Variants in FSIP2 observed in about 807,000 individuals in gnomAD.
The protein encoded by FSIP2 is fibrous sheath-interacting protein 2.
A neutral mutation model predicts 510.5 loss-of-function variants in FSIP2; 367 were observed. That is an observed-to-expected ratio of 0.72 (90% CI 0.66 to 0.78). The LOEUF (loss-of-function observed/expected upper bound fraction) is 0.78, where lower values mean the gene tolerates loss of function less well. Among genes scored for constraint, FSIP2 ranks in the 30% least tolerant of loss-of-function variants. The pLI, the probability that FSIP2 is intolerant of heterozygous loss-of-function variation, is 0.00. For missense variants in FSIP2, 7,594 were observed against 7,901.7 expected, an observed-to-expected ratio of 0.96 and a Z score of 1.48; for synonymous variants, 2,601 against 2,732.2, an observed-to-expected ratio of 0.95 and a Z score of 1.50.
chr2:185,805,361 C>T lies in FSIP2; in HGVS notation c.16055C>T (p.Ser5352Phe). The T allele has an allele frequency of 6.3e-7, 1 of 1,596,850 alleles. No individual in the cohort carries two copies. The highest frequency in any genetic ancestry group is 8.5e-7 in the Non-Finnish European group (1 of 1,173,732). The change falls in exon 17 of 23, where the codon TCC becomes TTC. Residue 5352 changes from serine (S) to phenylalanine (F), a missense_variant. By Grantham distance (155) the Ser-to-Phe change is radical (BLOSUM62 -2). Transcript: ENST00000424728. ...PIDKETVDKI[S>F]NFVYEQFIEK... is the part of the protein sequence containing the mutation. ...GATAAAGAGACAGTTGATAAAATAT[C>T]CAATTTTGTATATGAACAGTTCATA...
intron 21 of FSIP2, 107 bp downstream of exon 21, chr2:185,828,306 C>A: frequency 1.5e-6 from 1 of 676,804 alleles, no homozygotes; most frequent in Non-Finnish European, 2.6e-6. Flanking sequence ...TGAAGGATAT[C>A]AGAAAGCATT....
Position 185,797,187 on chromosome 2 carries a change from G to A in FSIP2, c.10051G>A (p.Glu3351Lys), listed in dbSNP as rs1157836018. Residue 3351 changes from glutamate to lysine, a missense_variant, in exon 16 of 23, where the codon GAG becomes AAG. Coordinates refer to ENST00000424728, the MANE Select transcript of FSIP2 (RefSeq NM_173651.4). ...CGFPSQPHTN[E>K]NREIMKPFFI... Reference sequence around the variant, plus strand: ...CTTTCCAAGTCAACCACACACTAATGAGAACAGGGAAATAATGAAACCATT... The same window carrying A: ...CTTTCCAAGTCAACCACACACTAATAAGAACAGGGAAATAATGAAACCATT... The A allele has an allele frequency of 1.3e-6, 2 of 1,534,980 alleles. No individual in the cohort carries two copies. The highest frequency in any genetic ancestry group is 2.4e-5 in the South Asian group (2 of 84,038).
intron 17 of FSIP2, among the ~76,000 whole-genome samples, chr2:185,809,792 C>T (rs1239248024): frequency 1.3e-5 from 2 of 151,866 alleles, no homozygotes; most frequent in Non-Finnish European, 2.9e-5. Context: ...TTTTATGAGC[C>T]TCTTCCCTAT....
upstream of FSIP2, chr2:185,738,792 T>C: frequency 6.5e-7 from 1 of 1,535,708 alleles, no homozygotes; most frequent in Non-Finnish European, 8.7e-7. Flanking sequence ...CTGAGGTCGT[T>C]GGGCTCTGGC....
chr2:185,766,840 A>G (rs1434149853), intron 13 of FSIP2, among the ~76,000 whole-genome samples: 2 of 131,920 alleles, frequency 1.5e-5, no homozygotes, highest in Non-Finnish European at 3.2e-5. Context: ...AGGACTATAA[A>G]TCATGCTGCT....
chr2:185,804,471 G>C lies in FSIP2; in HGVS notation c.15165G>C (p.Arg5055Ser). 6.6e-7 allele frequency: 1 copy of C among 1,515,930 alleles called. No homozygotes were observed. Among genetic ancestry groups the C allele is most frequent in the South Asian group, 1.2e-5 (1 of 81,596 alleles). The allele number at this position is 1,515,930 out of a possible 1,614,324, so 93.9% of individuals were successfully genotyped here. A position where few individuals can be genotyped will look rare whatever the true frequency, so the allele number is the denominator to read the frequency against. ...AAAGTGACACAATATGTTTTGGTAG[G>C]AAAATATATTATTTGCTATTGGAAG... Reference protein sequence around the residue: ...VIQSDTICFGRKIYYLLLEEI... With the variant: ...VIQSDTICFGSKIYYLLLEEI... The change falls in exon 17 of 23, where the codon AGG (arginine) becomes AGC (serine). Residue 5055 changes from arginine (R) to serine (S), a missense_variant. Transcript: ENST00000424728.
chr2:185,797,309 T>C lies in FSIP2; in HGVS notation c.10173T>C (p.Tyr3391=), dbSNP rs763503846. 7.9e-6 allele frequency: 12 copies of C among 1,528,550 alleles called. No homozygotes were observed. Among genetic ancestry groups the C allele is most frequent in the South Asian group, 3.6e-5 (3 of 82,338 alleles). 94.7% of individuals were successfully genotyped at this position (1,528,550 alleles called of 1,614,324 possible). A position where few individuals can be genotyped will look rare whatever the true frequency, so the allele number is the denominator to read the frequency against. The part of the protein sequence containing the change: ...LLRMQDKKIN[Y]IPEEENENLE... ...GAATGCAGGATAAAAAAATCAACTA[T>C]ATACCTGAGGAAGAAAATGAAAACC... Residue 3391 remains tyrosine, a synonymous_variant, in exon 16 of 23, where the codon TAT becomes TAC. Coordinates refer to ENST00000424728, the MANE Select transcript of FSIP2 (RefSeq NM_173651.4).
intron 17 of FSIP2, among the ~76,000 whole-genome samples, chr2:185,810,330 C>A (rs1469958587): frequency 2.0e-5 from 3 of 151,970 alleles, no homozygotes; most frequent in Non-Finnish European, 4.4e-5. Flanking sequence ...ATAGTGAATT[C>A]TTGCAAGATC....
In FSIP2 at chr2:185,816,751, G is replaced by A. The variant is rs1693832827; in HGVS notation, c.20426+1280G>A. ...TGTGCACCTAGTCCTAGCTACTCAG[G>A]AGGCTGAGGTGATAGAATTGCTTGA... On this transcript the variant is annotated intron_variant, in intron 19 of 22. Coordinates refer to ENST00000424728, the MANE Select transcript of FSIP2 (RefSeq NM_173651.4). Among the ~76,000 whole-genome samples, 6 of 151,988 alleles carry A rather than the reference G, an allele frequency of 3.9e-5. No individual in the cohort carries two copies. The South Asian group carries it at 1.0e-3, about 26-fold the overall frequency.
intron 7 of FSIP2, among the ~76,000 whole-genome samples, chr2:185,749,081 T>C (rs1692092536): frequency 6.6e-6 from 1 of 152,090 alleles, no homozygotes; most frequent in Non-Finnish European, 1.5e-5. Flanking sequence ...GAATCTGTCA[T>C]GTCAGTCTTA....
rs1174751014 is a variant in FSIP2, at chr2:185,745,515, G to T, written c.564G>T (p.Leu188Phe). Reference sequence around the variant, plus strand: ...ATGTTGCACAAGTCCAAAACTGGTTGTTAAAGGAGGGCACTGAATCTATTA... The same window carrying T: ...ATGTTGCACAAGTCCAAAACTGGTTTTTAAAGGAGGGCACTGAATCTATTA... ...HCDVAQVQNW[L>F]LKEGTESIKD... The change falls in exon 5 of 23, where the codon TTG (leucine) becomes TTT (phenylalanine). Residue 188 changes from leucine (L) to phenylalanine (F), a missense_variant. Leu to Phe is a conservative substitution (Grantham distance 22). Transcript: ENST00000424728. The T allele has an allele frequency of 6.5e-7, 1 of 1,535,738 alleles. No individual in the cohort carries two copies. Among genetic ancestry groups the T allele is most frequent in the Non-Finnish European group, 8.7e-7 (1 of 1,146,538 alleles).
Position 185,795,339 on chromosome 2 carries a change from C to A in FSIP2, c.8203C>A (p.Leu2735Ile). 1 of 1,534,716 alleles carries A rather than the reference C, an allele frequency of 6.5e-7. No individual in the cohort carries two copies. Among genetic ancestry groups the A allele is most frequent in the Middle Eastern group, 1.7e-4 (1 of 5,982 alleles). ...GGACACAAAATTGCCCACTTCAGAA[C>A]TAAAAATATATGCCAAGGATATAAT... ...LLDTKLPTSE[L>I]KIYAKDIIIN... The change falls in exon 16 of 23, where the codon CTA becomes ATA. Residue 2735 changes from leucine to isoleucine, a missense_variant. Leu to Ile is a conservative substitution (Grantham distance 5). Coordinates refer to ENST00000424728, the MANE Select transcript of FSIP2 (RefSeq NM_173651.4).
intron 7 of FSIP2, among the ~76,000 whole-genome samples, chr2:185,749,873 G>A (rs1250567120): frequency 6.6e-6 from 1 of 151,826 alleles, no homozygotes; most frequent in South Asian, 2.1e-4. Context: ...TATCAGAAAT[G>A]GATGTAAGAT....
At chr2:185,737,427 G>A (rs1411711890), upstream of FSIP2, among the ~76,000 whole-genome samples, 3 of 152,180 alleles carry the variant, frequency 2.0e-5, no homozygotes, top group Non-Finnish European at 4.4e-5. Flanking sequence ...TGGTGGCAGG[G>A]AGATGTTATA....
intron 20 of FSIP2, among the ~76,000 whole-genome samples, chr2:185,826,913 C>A (rs1231774280): frequency 1.3e-5 from 2 of 151,792 alleles, no homozygotes; most frequent in African/African-American, 4.8e-5. Context: ...CAGATATATT[C>A]ATTCCTAGTT....
At position 185,743,300 on chromosome 2, in the gene FSIP2, T is replaced by C. The variant is rs1038047845; in HGVS notation, c.387+6T>C. The C allele has an allele frequency of 5.4e-6, 8 of 1,474,384 alleles. No individual in the cohort carries two copies. Among genetic ancestry groups the C allele is most frequent in the African/African-American group, 1.4e-5 (1 of 69,292 alleles). 91.3% of individuals were successfully genotyped at this position (1,474,384 alleles called of 1,614,324 possible). A position where few individuals can be genotyped will look rare whatever the true frequency, so the allele number is the denominator to read the frequency against. ...ACATCACCAGCAATAATAAAGTGGG[T>C]TGAAAATTACTTCTTTTTTTAATCA... On this transcript the variant is annotated splice_donor_region_variant and intron_variant, in intron 3 of 22. Coordinates refer to ENST00000424728, the MANE Select transcript of FSIP2 (RefSeq NM_173651.4).
chr2:185,832,685 A>G (rs1317846430), intron 22 of FSIP2, among the ~76,000 whole-genome samples: 1 of 151,888 alleles, frequency 6.6e-6, no homozygotes, highest in Non-Finnish European at 1.5e-5. Flanking sequence ...GAACTCTTTT[A>G]TTACCTACAC....
In FSIP2 at chr2:185,800,761, A is replaced by T; in HGVS notation, c.11455A>T (p.Met3819Leu). 2.0e-6 allele frequency: 3 copies of T among 1,534,054 alleles called. No individual in the cohort carries two copies. In the South Asian group the frequency reaches 3.6e-5, roughly 18 times the overall value. ...CTGTGAATGCCTTCAAGTAGATTAC[A>T]TGTCAGACCTTTTGGAGAATGTGGC... ...MDCECLQVDY[M>L]SDLLENVAEI... Residue 3819 changes from methionine to leucine, a missense_variant, in exon 17 of 23, where the codon ATG (methionine) becomes TTG (leucine). By Grantham distance (15) the Met-to-Leu change is conservative. Coordinates refer to ENST00000424728, the MANE Select transcript of FSIP2 (RefSeq NM_173651.4).
chr2:185,740,946 T>G (rs1340725928), intron 2 of FSIP2, among the ~76,000 whole-genome samples: 1 of 135,810 alleles, frequency 7.4e-6, no homozygotes, highest in African/African-American at 2.6e-5. Flanking sequence ...AAACAAGTTT[T>G]GTTTCTGAAA....
Sources: gnomAD v4.1 joint callset for allele counts (sites outside exome capture counted in the v4.1 genomes callset) on GRCh38, gnomAD v4.1.1 for gene constraint, MANE v1.5 for transcripts, NCBI Gene and HGNC (gene_info 2026-07-23, HGNC 2026-07-21) for gene names.